MCAM: variants seen among roughly 807,000 people sequenced by gnomAD.
MCAM encodes melanoma cell adhesion molecule.
A neutral mutation model predicts 79.1 loss-of-function variants in MCAM; 55 were observed. The observed-to-expected ratio is 0.70, with a 90% confidence interval of 0.56 to 0.87. The LOEUF is 0.87. MCAM is among the 40% of genes least tolerant of loss of function. MCAM has a pLI of 0.00. For missense variants in MCAM, 745 were observed against 839.8 expected (o/e 0.89, Z 1.40); for synonymous variants, 330 against 339.8 (o/e 0.97, Z 0.32).
Position 119,316,905 on chromosome 11 carries a change from G to T in MCAM, c.67+130C>A, listed in dbSNP as rs893747585. 2.6e-5 allele frequency: 19 copies of T among 726,490 alleles called. No individual in the cohort carries two copies. The highest frequency in any genetic ancestry group is 4.0e-4 in the Middle Eastern group (1 of 2,480). The allele number at this position is 726,490 out of a possible 1,614,324, so 45.0% of individuals were successfully genotyped here. On this transcript the variant is annotated intron_variant, in intron 1 of 15. Transcript: ENST00000264036. The surrounding 1 kb of genome is among the most constrained non-coding windows in gnomAD (Gnocchi z 4.8). ...CTCGCGCGCAAGGCGCCCGGGGATC[G>T]GGGACCCAGGGAGGAGGCTCGTCCT...
Position 119,317,123 on chromosome 11 carries a change from A to G in MCAM, c.-22T>C, listed in dbSNP as rs1420584368. The G allele has an allele frequency of 2.0e-6, 3 of 1,512,640 alleles. No homozygotes were observed. The highest frequency in any genetic ancestry group is 2.6e-6 in the Non-Finnish European group (3 of 1,134,202). 93.7% of individuals were successfully genotyped at this position (1,512,640 alleles called of 1,614,324 possible). ...CCATGCTTCCCGGCCGGAGGGCGAG[A>G]GCCAAGTGAGCAGCTCGAGGCTGCC... On this transcript the variant is annotated 5_prime_UTR_variant, in exon 1 of 16. Transcript: ENST00000264036. This position sits in a 1 kb window ranked among gnomAD's most constrained non-coding sequence, Gnocchi z 6.2.
Position 119,310,765 on chromosome 11 carries a change from T to C in MCAM, c.1784A>G (p.Lys595Arg). The C allele has an allele frequency of 6.2e-7, 1 of 1,613,952 alleles. No individual in the cohort carries two copies. Among genetic ancestry groups the C allele is most frequent in the East Asian group, 2.2e-5 (1 of 44,878 alleles). ...CCGGTGTTGGGCTTACATCTCCTGCTTCCCTGAGCGCCTGCACGGCAGCTT... is the reference window on the plus strand; with the variant it reads ...CCGGTGTTGGGCTTACATCTCCTGCCTCCCTGAGCGCCTGCACGGCAGCTT... ...KGKLPCRRSG[K>R]QEITLPPSRK... Residue 595 changes from lysine to arginine, a missense_variant, in exon 14 of 16, where the codon AAG becomes AGG. By Grantham distance (26) the Lys-to-Arg change is conservative. Transcript: ENST00000264036.
Position 119,309,821 on chromosome 11 carries a change from G to C in MCAM, c.*65C>G. ...TCTAGTCCCTTTGGAGGCTTTGGCT[G>C]AGAGAAGAGTGAGCAGGGAGCTGGG... On this transcript the variant is annotated 3_prime_UTR_variant, in exon 16 of 16. Transcript: ENST00000264036. 6.7e-7 allele frequency: 1 copy of C among 1,497,360 alleles called. No individual in the cohort carries two copies. Among genetic ancestry groups the C allele is most frequent in the Non-Finnish European group, 9.2e-7 (1 of 1,090,198 alleles). 92.8% of individuals were successfully genotyped at this position (1,497,360 alleles called of 1,614,324 possible).
chr11:119,315,320 CT>C lies in MCAM; in HGVS notation c.68-58del. 1 of 1,560,968 alleles carries C rather than the reference CT, an allele frequency of 6.4e-7. No individual in the cohort carries two copies. Among genetic ancestry groups the C allele is most frequent in the East Asian group, 2.3e-5 (1 of 42,852 alleles). Reference sequence around the variant, plus strand: ...TGTCAGCTCCGGCTGCTGTCCGCCCCTCCCCTCGCAGCGCTGCTGCAGCTGT... The same window carrying C: ...TGTCAGCTCCGGCTGCTGTCCGCCCCCCCCTCGCAGCGCTGCTGCAGCTGT... On this transcript the variant is annotated intron_variant, in intron 1 of 15. Coordinates refer to ENST00000264036, the MANE Select transcript of MCAM (RefSeq NM_006500.3). The surrounding 1 kb of genome is among the most constrained non-coding windows in gnomAD (Gnocchi z 4.4).
Position 119,311,377 on chromosome 11 carries a change from C to T in MCAM, c.1452G>A (p.Leu484=). ...DQDPQRVLST[L]NVLVTPELLE... is the part of the protein sequence containing the mutation. Reference sequence around the variant, plus strand: ...ACAGCTCCGGGGTCACGAGGACATTCAGGGTGCTCAGGACTCGCTGTGGAT... The same window carrying T: ...ACAGCTCCGGGGTCACGAGGACATTTAGGGTGCTCAGGACTCGCTGTGGAT... Residue 484 remains leucine (L), a synonymous_variant, in exon 12 of 16, where the codon CTG becomes CTA. Coordinates refer to ENST00000264036, the MANE Select transcript of MCAM (RefSeq NM_006500.3). The surrounding 1 kb of genome is among the most constrained non-coding windows in gnomAD (Gnocchi z 4.4). The T allele has an allele frequency of 3.7e-6, 6 of 1,614,238 alleles. No homozygotes were observed. The highest frequency in any genetic ancestry group is 5.1e-6 in the Non-Finnish European group (6 of 1,180,056).
At chr11:119,310,585 G>GA in intron 14 of MCAM, 119 bp from the exon 15 acceptor site, 1 of 1,063,896 alleles carries the variant, frequency 9.4e-7, no homozygotes, top group African/African-American at 1.6e-5. Context: ...CCAGGGCAGG[G>GA]AAGCAGGTCA....
chr11:119,314,742 C>T lies in MCAM; in HGVS notation c.408G>A (p.Pro136=), dbSNP rs1461273049. Reference sequence around the variant, plus strand: ...GGTTGACCTGGATGTTTGGCTCCTCCGGAGCTTCTACAAGAAAATAGAAAT... The same window carrying T: ...GGTTGACCTGGATGTTTGGCTCCTCTGGAGCTTCTACAAGAAAATAGAAAT... ...YRIQLRVYKA[P]EEPNIQVNPL... The change falls in exon 4 of 16, where the codon CCG becomes CCA. Residue 136 remains proline (P), a synonymous_variant. Transcript: ENST00000264036. 6.8e-6 allele frequency: 11 copies of T among 1,613,660 alleles called. No individual in the cohort carries two copies. The East Asian group carries it at 1.1e-4, about 16-fold the overall frequency.
Position 119,310,835 on chromosome 11 carries a change from G to A in MCAM, c.1714C>T (p.Leu572=). 1 of 1,614,224 alleles carries A rather than the reference G, an allele frequency of 6.2e-7. No homozygotes were observed. The highest frequency in any genetic ancestry group is 8.5e-7 in the Non-Finnish European group (1 of 1,180,044). ...TAGAGGACAGCGCCCAGCACCGCCA[G>A]GACCAGGATGCACACAATCACAGCC... The part of the protein sequence containing the change: ...IVAVIVCILV[L]AVLGAVLYFL... Residue 572 remains leucine (L), a synonymous_variant, in exon 14 of 16, where the codon CTG becomes TTG. Coordinates refer to ENST00000264036, the MANE Select transcript of MCAM (RefSeq NM_006500.3).
At chr11:119,310,196 G>GC in intron 15 of MCAM, 153 bp downstream of exon 15, 1 of 676,186 alleles carries the variant, frequency 1.5e-6, no homozygotes, top group Non-Finnish European at 2.6e-6. Flanking sequence ...CACTTGCTTG[G>GC]CCCTGCCATC....
Position 119,309,852 on chromosome 11 carries a change from T to A in MCAM, c.*34A>T. On this transcript the variant is annotated 3_prime_UTR_variant, in exon 16 of 16. Transcript: ENST00000264036. ...AGAGTGAGCAGGGAGCTGGGAATGG[T>A]CCAGGCAGGGAAGGGAGCTGAAGTG... 2 of 1,586,156 alleles carry A rather than the reference T, an allele frequency of 1.3e-6. No individual in the cohort carries two copies. The highest frequency in any genetic ancestry group is 1.8e-5 in the Admixed American group (1 of 56,504).
chr11:119,312,541 T>C lies in MCAM; in HGVS notation c.847A>G (p.Ser283Gly), dbSNP rs199772617. 9 of 1,614,124 alleles carry C rather than the reference T, an allele frequency of 5.6e-6. No homozygotes were observed. In the East Asian group the frequency reaches 6.7e-5, roughly 12 times the overall value. ...LADGNPPPHFSISKQNPSTRE... is the reference protein window; with the variant it reads ...LADGNPPPHFGISKQNPSTRE... ...AGCCCCCACACCTGCTTGCTGATGC[T>C]GAAGTGTGGTGGAGGGTTGCCATCA... is the stretch of plus-strand genomic sequence containing the variant. Residue 283 changes from serine to glycine, a missense_variant, in exon 7 of 16, where the codon AGC becomes GGC. Ser to Gly is a moderately conservative substitution (Grantham distance 56, BLOSUM62 0). Coordinates refer to ENST00000264036, the MANE Select transcript of MCAM (RefSeq NM_006500.3). The surrounding 1 kb of genome is among the most constrained non-coding windows in gnomAD (Gnocchi z 4.9).
At chr11:119,314,226 G>A in intron 5 of MCAM, 1 of 488,788 alleles carries the variant, frequency 2.0e-6, no homozygotes, top group South Asian at 2.1e-5. Flanking sequence ...TGCAATCCTA[G>A]CTCACTGCAG....
rs1191526970 is a variant in MCAM at position 119,312,506 on chromosome 11, C to A, written c.861+21G>T. On this transcript the variant is annotated intron_variant, in intron 7 of 15. Coordinates refer to ENST00000264036, the MANE Select transcript of MCAM (RefSeq NM_006500.3). The surrounding 1 kb of genome is among the most constrained non-coding windows in gnomAD (Gnocchi z 4.9). ...GTCTCTGCTTGCATCCCCACCTGCA[C>A]CCAGCACAAAGCCCCCACACCTGCT... is the stretch of plus-strand genomic sequence containing the variant. 2 of 1,613,962 alleles carry A rather than the reference C, an allele frequency of 1.2e-6. No homozygotes were observed. The highest frequency in any genetic ancestry group is 1.1e-5 in the South Asian group (1 of 91,086).
At position 119,310,742 on chromosome 11, in the gene MCAM, G is replaced by A. The variant is rs1310485713; in HGVS notation, c.1793+14C>T. ...CAAAACGGGCGGGGGCGGAGGGGCC[G>A]GTGTTGGGCTTACATCTCCTGCTTC... On this transcript the variant is annotated intron_variant, in intron 14 of 15. Transcript: ENST00000264036. 1.4e-5 allele frequency: 23 copies of A among 1,611,376 alleles called. No individual in the cohort carries two copies. Among genetic ancestry groups the A allele is most frequent in the Non-Finnish European group, 1.7e-5 (20 of 1,178,422 alleles).
Position 119,309,508 on chromosome 11 carries a change from TTGGGGC to T in MCAM, c.*372_*377del. The T allele has an allele frequency of 3.7e-6, 1 of 272,730 alleles. No homozygotes were observed. The highest frequency in any genetic ancestry group is 7.1e-6 in the Non-Finnish European group (1 of 141,672). The allele number at this position is 272,730 out of a possible 1,614,324, so 16.9% of individuals were successfully genotyped here. A position where few individuals can be genotyped will look rare whatever the true frequency, so the allele number is the denominator to read the frequency against. On this transcript the variant is annotated 3_prime_UTR_variant, in exon 16 of 16. Transcript: ENST00000264036. ...GCACCTGGATGGTGGAAGCCAGCCT[TTGGGGC>T]AGGAAACCAGCTCAGAGAGGCTACC...
chr11:119,314,644 C>T (rs375588296), intron 4 of MCAM, 35 bp downstream of exon 4: 1 of 1,611,854 alleles, frequency 6.2e-7, no homozygotes, highest in Non-Finnish European at 8.5e-7. Flanking sequence ...AGCGGCTGCG[C>T]ACCAGCTGCC....
At chr11:119,314,011 TG>T in intron 5 of MCAM, 1 of 982,838 alleles carries the variant, frequency 1.0e-6, no homozygotes, top group Non-Finnish European at 1.2e-6. Context: ...AGATTATTTC[TG>T]GGAGGGGGGG....
At position 119,312,213 on chromosome 11, in the gene MCAM, A is replaced by G. The variant is rs1424326532; in HGVS notation, c.1025-43T>C. 2.5e-6 allele frequency: 4 copies of G among 1,611,494 alleles called. No individual in the cohort carries two copies. In the Admixed American group the frequency reaches 5.0e-5, roughly 20 times the overall value. On this transcript the variant is annotated intron_variant, in intron 8 of 15. Transcript: ENST00000264036. The surrounding 1 kb of genome is among the most constrained non-coding windows in gnomAD (Gnocchi z 4.9). ...ATGTCACCCAGGGCAGGGTGGGGCC[A>G]GTTCCCTATTGCCCCAGCCTGGTCC...
rs747157300 is a variant in MCAM, at chr11:119,314,573, C to A, written c.475G>T (p.Ala159Ser). Reference protein sequence around the residue: ...PVNSKEPEEVATCVGRNGYPI... With the variant: ...PVNSKEPEEVSTCVGRNGYPI... ...TACCCGTTCCTCCCTACACAGGTAG[C>A]GACCTAAAGAGCACAGGGTGTGAGT... Residue 159 changes from alanine (A) to serine (S), a missense_variant, in exon 5 of 16, where the codon GCT (alanine) becomes TCT (serine). Ala to Ser is a moderately conservative substitution (Grantham distance 99, BLOSUM62 1). Transcript: ENST00000264036. 1 of 1,613,784 alleles carries A rather than the reference C, an allele frequency of 6.2e-7. No individual in the cohort carries two copies.
Sources: gnomAD v4.1 joint callset for allele counts on GRCh38, gnomAD v4.1.1 for gene constraint, Gnocchi (gnomAD v3.1) non-coding constraint, MANE v1.5 for transcripts, NCBI Gene and HGNC (gene_info 2026-07-23, HGNC 2026-07-21) for gene names.